Variants in MARCHF1 observed in about 807,000 individuals in gnomAD.
MARCHF1 encodes the protein membrane associated ring-CH-type finger 1, also known as E3 ubiquitin-protein ligase MARCHF1.
A neutral mutation model predicts 54.2 loss-of-function variants in MARCHF1; 40 were observed. The ratio of observed to expected loss-of-function variants is 0.74; its 90% CI spans 0.57 to 0.96. The LOEUF is 0.96. MARCHF1 is among the 40% of genes least tolerant of loss of function. The pLI is 0.00. For missense variants in MARCHF1, 586 were observed against 656.5 expected (o/e 0.89, Z 1.17); for synonymous variants, 236 against 236.3 (o/e 1.00, Z 0.01).
chr4:164,044,906 T>C (rs942578758), intron 2 of MARCHF1, among the ~76,000 whole-genome samples: 4 of 152,148 alleles, frequency 2.6e-5, no homozygotes, highest in Admixed American at 6.5e-5. Context: ...TGGAAGTAGA[T>C]AGGTGATGTA....
chr4:164,031,366 T>C (rs1050831020), intron 2 of MARCHF1, among the ~76,000 whole-genome samples: 4 of 152,138 alleles, frequency 2.6e-5, no homozygotes, highest in African/African-American at 9.7e-5. Context: ...TTGTGTCTAT[T>C]TGACTCTTCT....
intron 5 of MARCHF1, among the ~76,000 whole-genome samples, chr4:163,614,017 A>T (rs143506934): frequency 1.3e-5 from 2 of 152,146 alleles, no homozygotes; most frequent in Admixed American, 1.3e-4. Context: ...TCAGATTATT[A>T]GCATAAAGTT....
intron 5 of MARCHF1, among the ~76,000 whole-genome samples, chr4:163,668,543 G>A (rs981733982): frequency 1.3e-5 from 2 of 152,098 alleles, no homozygotes; most frequent in African/African-American, 4.8e-5. Flanking sequence ...TAACAAGTGG[G>A]GTGGTCTTTA....
At chr4:163,896,931 T>C (rs1750820037) in intron 3 of MARCHF1, among the ~76,000 whole-genome samples, 1 of 152,176 alleles carries the variant, frequency 6.6e-6, no homozygotes, top group African/African-American at 2.4e-5. Context: ...CTATATTAAT[T>C]CAACTGTGGC....
intron 3 of MARCHF1, among the ~76,000 whole-genome samples, chr4:163,886,700 G>A (rs1422922634): frequency 1.3e-5 from 2 of 152,018 alleles, no homozygotes; most frequent in Non-Finnish European, 2.9e-5. Context: ...AACTAAAAAG[G>A]CATATAGCAT....
chr4:163,539,975 G>A lies in MARCHF1; in HGVS notation c.1339+5621C>T, dbSNP rs541924003. On this transcript the variant is annotated intron_variant, in intron 9 of 9. Transcript: ENST00000514618. ...AATGGGGTCCTGGTTCCTCTCCCCTGAAGGCACAGGGGCATACCTGTAACA... is the reference window on the plus strand; with the variant it reads ...AATGGGGTCCTGGTTCCTCTCCCCTAAAGGCACAGGGGCATACCTGTAACA... Among the ~76,000 whole-genome samples the A allele has an allele frequency of 6.6e-5, 10 of 152,190 alleles. No homozygotes were observed. The South Asian group carries it at 1.9e-3, about 28-fold the overall frequency.
chr4:164,345,177 A>G (rs890838433), intron 1 of MARCHF1, among the ~76,000 whole-genome samples: 1 of 152,198 alleles, frequency 6.6e-6, no homozygotes, highest in Non-Finnish European at 1.5e-5. Flanking sequence ...TATGATGGCT[A>G]TGTTAATACC....
intron 1 of MARCHF1, among the ~76,000 whole-genome samples, chr4:164,199,533 C>T (rs1731377909): frequency 1.3e-5 from 2 of 151,800 alleles, no homozygotes; most frequent in Non-Finnish European, 2.9e-5. Flanking sequence ...ATCCCAGCTA[C>T]TCGGGAGGCT....
At chr4:163,676,073 T>G (rs542291257) in intron 5 of MARCHF1, among the ~76,000 whole-genome samples, 11 of 151,398 alleles carry the variant, frequency 7.3e-5, no homozygotes, top group Non-Finnish European at 1.3e-4. Context: ...CCGGGTGTGG[T>G]GGTTCATGTC....
At chr4:164,155,123 G>A (rs1186391253) in intron 1 of MARCHF1, among the ~76,000 whole-genome samples, 1 of 152,044 alleles carries the variant, frequency 6.6e-6, no homozygotes, top group East Asian at 1.9e-4. Context: ...GATTTATATG[G>A]GCATAAGATA....
chr4:163,674,668 C>T (rs1743852067), intron 5 of MARCHF1, among the ~76,000 whole-genome samples: 1 of 152,126 alleles, frequency 6.6e-6, no homozygotes, highest in Non-Finnish European at 1.5e-5. Context: ...ACAAATCAGA[C>T]ACTAGATACC....
chr4:164,243,395 G>C (rs1218542644), intron 1 of MARCHF1, among the ~76,000 whole-genome samples: 1 of 150,762 alleles, frequency 6.6e-6, no homozygotes, highest in Non-Finnish European at 1.5e-5. Context: ...ATAAGTGAAG[G>C]AGAAATAAAA....
intron 4 of MARCHF1, among the ~76,000 whole-genome samples, chr4:163,748,817 A>T (rs1205889311): frequency 6.6e-6 from 1 of 152,188 alleles, no homozygotes; most frequent in Non-Finnish European, 1.5e-5. Flanking sequence ...GCCCATTGAC[A>T]CATATGCTTG....
chr4:163,947,963 T>C (rs1752055838), intron 3 of MARCHF1, among the ~76,000 whole-genome samples: 1 of 152,222 alleles, frequency 6.6e-6, no homozygotes, highest in Non-Finnish European at 1.5e-5. Context: ...AGCAAGATTC[T>C]AAAGGTATGC....
Position 163,705,284 on chromosome 4 carries a change from G to A in MARCHF1, c.112-4421C>T, listed in dbSNP as rs538755526. On this transcript the variant is annotated intron_variant, in intron 4 of 9. Coordinates refer to ENST00000514618, the MANE Select transcript of MARCHF1 (RefSeq NM_001394959.1). ...CCCTAATCCATATTATTAACATGGC[G>A]TAAATGAAACTTCAGATGTGTTAAG... 1.3e-4 allele frequency among the ~76,000 whole-genome samples: 20 copies of A among 151,112 alleles called. 1 individual carries two copies. The highest frequency in any genetic ancestry group is 3.6e-4 in the African/African-American group (15 of 41,252).
intron 4 of MARCHF1, among the ~76,000 whole-genome samples, chr4:163,819,261 G>A (rs1748627293): frequency 6.6e-6 from 1 of 151,974 alleles, no homozygotes; most frequent in South Asian, 2.1e-4. Flanking sequence ...CACTTACTTT[G>A]CTTCACTTCT....
chr4:163,974,782 T>C (rs944092289), intron 3 of MARCHF1, among the ~76,000 whole-genome samples: 33 of 152,290 alleles, frequency 2.2e-4, no homozygotes, highest in African/African-American at 7.7e-4. Context: ...TCAATTTGAC[T>C]GAGTCACTGG....
chr4:163,868,282 G>T (rs1196088227), intron 3 of MARCHF1, among the ~76,000 whole-genome samples: 1 of 151,750 alleles, frequency 6.6e-6, no homozygotes, highest in Non-Finnish European at 1.5e-5. Context: ...ACCCAATGAT[G>T]AATACTATTT....
At chr4:164,227,830 C>T (rs570240761) in intron 1 of MARCHF1, among the ~76,000 whole-genome samples, 1 of 152,198 alleles carries the variant, frequency 6.6e-6, no homozygotes, top group East Asian at 1.9e-4. Flanking sequence ...AGAGGCAGTA[C>T]AGCTAGTAAA....
Sources: allele counts gnomAD v4.1 joint callset (sites outside exome capture counted in the v4.1 genomes callset), GRCh38; gene constraint gnomAD v4.1.1; transcripts MANE v1.5; gene names NCBI Gene and HGNC (gene_info 2026-07-23, HGNC 2026-07-21).